The following LTK variants were observed in gnomAD, a reference collection of about 807,000 sequenced individuals.
LTK encodes leukocyte receptor tyrosine kinase.
In LTK, 117 loss-of-function variants were observed where a neutral mutation model predicts 101.5. The observed-to-expected ratio is 1.15, with a 90% CI of 0.99 to 1.34. The LOEUF (loss-of-function observed/expected upper bound fraction) is 1.34, where lower values mean the gene tolerates loss of function less well. Among genes scored for constraint, LTK ranks in the 40% most tolerant of loss-of-function variants. The pLI is 0.00. For synonymous variants in LTK, 563 were observed against 494.2 expected (o/e 1.14, Z -1.85); for missense variants, 1,252 against 1,164.7 (o/e 1.07, Z -1.09).
intron 8 of LTK, 108 bp downstream of exon 8, chr15:41,508,923 T>C (rs576768706): frequency 1.4e-5 from 10 of 706,962 alleles, no homozygotes; most frequent in East Asian, 1.0e-4. Flanking sequence ...TCCTGTGCTA[T>C]GCAAGGTTAT....
In LTK at chr15:41,504,507, C is replaced by G; in HGVS notation, c.2254G>C (p.Val752Leu). The G allele has an allele frequency of 6.2e-7, 1 of 1,613,138 alleles. No individual in the cohort carries two copies. Among genetic ancestry groups the G allele is most frequent in the Non-Finnish European group, 8.5e-7 (1 of 1,179,468 alleles). Reference protein sequence around the residue: ...MDPPRGCPGPVYRIMTQCWQH... With the variant: ...MDPPRGCPGPLYRIMTQCWQH... ...CTTCCCGGGCAGCACTCAACTCACA[C>G]AGGCCCTGGGCAGCCCCTAGGAGGG... Residue 752 changes from valine to leucine, a missense_variant and splice_region_variant, in exon 18 of 20, where the codon GTG becomes CTG. Val to Leu is a conservative substitution (Grantham distance 32). Transcript: ENST00000263800.
chr15:41,513,780 A>AGGG lies in LTK; in HGVS notation c.-72_-71insCCC. ...ACACCCCTGTCAACCTAAAGTTGACAGCTCATTTTGCCACGGCAGCCCTGG... is the reference window on the plus strand; with the variant it reads ...ACACCCCTGTCAACCTAAAGTTGACAGGGGCTCATTTTGCCACGGCAGCCCTGG... On this transcript the variant is annotated 5_prime_UTR_variant, in exon 1 of 20. Transcript: ENST00000263800. 1.4e-6 allele frequency: 2 copies of AGGG among 1,400,918 alleles called. No individual in the cohort carries two copies. The highest frequency in any genetic ancestry group is 2.0e-6 in the Non-Finnish European group (2 of 986,502). 86.8% of individuals were successfully genotyped at this position (1,400,918 alleles called of 1,614,324 possible).
Position 41,504,972 on chromosome 15 carries a change from C to T in LTK, c.2018G>A (p.Arg673Gln), listed in dbSNP as rs55876255. The T allele has an allele frequency of 2.4e-4, 382 of 1,609,300 alleles. No individual in the cohort carries two copies. The East Asian group carries it at 2.5e-3, about 11-fold the overall frequency. The change falls in exon 16 of 20, where the codon CGG becomes CAG. Residue 673 changes from arginine (R) to glutamine (Q), a missense_variant and splice_region_variant. Transcript: ENST00000263800. ...GDFGMARDIY[R>Q]ASYYRRGDRA... ...CCTTCCCACCTCCCAAGTCCCGCAC[C>T]GGTAGATATCTCGTGCCATCCCAAA...
At position 41,511,578 on chromosome 15, in the gene LTK, C is replaced by A. The variant is rs764245105; in HGVS notation, c.658G>T (p.Val220Leu). ...AACGGTTCCAGCTCGCCAGCGCGCA[C>A]CTGTGGGGCCAGCGGCGTGTTCCAG... ...GGGGATYVFR[V>L]RAGELEPLLV... The change falls in exon 6 of 20, where the codon GTG (valine) becomes TTG (leucine). Residue 220 changes from valine to leucine, a missense_variant and splice_region_variant. Physicochemically the swap from Val to Leu is conservative, Grantham distance 32. Transcript: ENST00000263800. The surrounding 1 kb of genome is among the most constrained non-coding windows in gnomAD (Gnocchi z 5.9). 1 of 1,441,326 alleles carries A rather than the reference C, an allele frequency of 6.9e-7. No homozygotes were observed. Among genetic ancestry groups the A allele is most frequent in the East Asian group, 2.8e-5 (1 of 36,190 alleles). 89.3% of individuals were successfully genotyped at this position (1,441,326 alleles called of 1,614,324 possible). A position where few individuals can be genotyped will look rare whatever the true frequency, so the allele number is the denominator to read the frequency against.
intron 13 of LTK, 46 bp downstream of exon 13, chr15:41,505,667 G>T: frequency 1.2e-6 from 2 of 1,610,202 alleles, no homozygotes; most frequent in South Asian, 2.2e-5. Flanking sequence ...CTGTTCCCGG[G>T]CATTCCCCTC....
intron 1 of LTK, 113 bp downstream of exon 1, chr15:41,513,554 A>G (rs1273076292): frequency 1.0e-6 from 1 of 972,062 alleles, no homozygotes; most frequent in Non-Finnish European, 1.7e-6. Flanking sequence ...TTTGGCTGTG[A>G]GAGTTCGAGG....
At chr15:41,512,350 G>C (rs923224154) in intron 3 of LTK, 85 bp from the exon 4 acceptor site, 14 of 1,210,924 alleles carry the variant, frequency 1.2e-5, no homozygotes, top group Admixed American at 2.7e-5. Context: ...GGAGGCTCCA[G>C]AATTATTTTT....
chr15:41,511,234 C>T lies in LTK; in HGVS notation c.927G>A (p.Trp309Ter). The stretch of plus-strand genomic sequence containing the variant: ...CGCCCCCGAAGCCGCCGGCCGCGGC[C>T]CAGCCAAGGGTCGCCCAAGCCTCGG... The part of the protein sequence containing the change: ...GCSEAWATLG[W>*]AAAGGFGGGG... The change falls in exon 7 of 20, where the codon TGG becomes TGA. Residue 309 changes from tryptophan to a stop codon, truncating the protein, a stop_gained. Coordinates refer to ENST00000263800, the MANE Select transcript of LTK (RefSeq NM_002344.6). LOFTEE classifies it high-confidence loss of function. The surrounding 1 kb of genome is among the most constrained non-coding windows in gnomAD (Gnocchi z 5.9). 7.1e-7 allele frequency: 1 copy of T among 1,409,600 alleles called. No homozygotes were observed. The highest frequency in any genetic ancestry group is 1.5e-5 in the African/African-American group (1 of 66,168). The allele number at this position is 1,409,600 out of a possible 1,614,324, so 87.3% of individuals were successfully genotyped here.
At position 41,505,994 on chromosome 15, in the gene LTK, T is replaced by A. The variant is rs762844291; in HGVS notation, c.1553A>T (p.His518Leu). 5.0e-6 allele frequency: 8 copies of A among 1,613,628 alleles called. No individual in the cohort carries two copies. Among genetic ancestry groups the A allele is most frequent in the Non-Finnish European group, 6.8e-6 (8 of 1,179,636 alleles). ...ANVTLLRALGHGAFGEVYEGL... is the reference protein window; with the variant it reads ...ANVTLLRALGLGAFGEVYEGL... ...CTCATACACCTCCCCAAAGGCACCATGGCCCAGGGCTCTGCAGGAAGACAC... is the reference window on the plus strand; with the variant it reads ...CTCATACACCTCCCCAAAGGCACCAAGGCCCAGGGCTCTGCAGGAAGACAC... Residue 518 changes from histidine (H) to leucine (L), a missense_variant, in exon 12 of 20, where the codon CAT becomes CTT. His to Leu is a moderately conservative substitution (Grantham distance 99). Transcript: ENST00000263800.
chr15:41,509,314 G>A (rs2289739), intron 7 of LTK, among the ~76,000 whole-genome samples, 185 bp from the exon 8 acceptor site: 1 of 151,942 alleles, frequency 6.6e-6, no homozygotes, highest in Admixed American at 6.6e-5. Flanking sequence ...TGAAGGCCTC[G>A]CTGAGGCTGG....
At position 41,513,031 on chromosome 15, in the gene LTK, T is replaced by G; in HGVS notation, c.133A>C (p.Lys45Gln). The change falls in exon 2 of 20, where the codon AAA becomes CAA. Residue 45 changes from lysine (K) to glutamine (Q), a missense_variant. Physicochemically the swap from Lys to Gln is moderately conservative, Grantham distance 53. Transcript: ENST00000263800. ...AAGATACTAGGCGGGGCGCTGACTT[T>G]CGGGTCCCGGGGGCTGGGACTTGCC... The part of the protein sequence containing the change: ...PLASPSPRDP[K>Q]VSAPPSILEP... The G allele has an allele frequency of 6.2e-7, 1 of 1,612,494 alleles. No individual in the cohort carries two copies. Among genetic ancestry groups the G allele is most frequent in the Non-Finnish European group, 8.5e-7 (1 of 1,179,664 alleles).
At position 41,513,100 on chromosome 15, in the gene LTK, G is replaced by A. The variant is rs1467037387; in HGVS notation, c.64C>T (p.Pro22Ser). ...CGCAGAAAAGTCTCCTGGGACCCCGGGCTAGAGCAGAGAATGGCGCCTGAA... is the reference window on the plus strand; with the variant it reads ...CGCAGAAAAGTCTCCTGGGACCCCGAGCTAGAGCAGAGAATGGCGCCTGAA... ...GAAGAILCSS[P>S]GSQETFLRSS... is the part of the protein sequence containing the mutation. Residue 22 changes from proline to serine, a missense_variant, in exon 2 of 20, where the codon CCG becomes TCG. By Grantham distance (74) the Pro-to-Ser change is moderately conservative. Transcript: ENST00000263800. 6.2e-7 allele frequency: 1 copy of A among 1,606,480 alleles called. No homozygotes were observed. Among genetic ancestry groups the A allele is most frequent in the South Asian group, 1.1e-5 (1 of 90,384 alleles).
intron 2 of LTK, 48 bp downstream of exon 2, chr15:41,512,929 G>A (rs1220030868): frequency 1.9e-6 from 3 of 1,610,716 alleles, no homozygotes; most frequent in South Asian, 1.1e-5. Context: ...CTGGGCCAGA[G>A]GGGTCTGGTA....
rs896792316 is a variant in LTK, at chr15:41,505,952, A to G, written c.1595T>C (p.Leu532Pro). The G allele has an allele frequency of 6.2e-6, 10 of 1,613,936 alleles. No homozygotes were observed. Among genetic ancestry groups the G allele is most frequent in the African/African-American group, 1.3e-5 (1 of 74,916 alleles). ...CTGCAGGGGACTGGAGTCCCCAGGA[A>G]GGCCAATTACCAGTCCCTCATACAC... ...GEVYEGLVIG[L>P]PGDSSPLQVA... is the part of the protein sequence containing the mutation. The change falls in exon 12 of 20, where the codon CTT becomes CCT. Residue 532 changes from leucine to proline, a missense_variant. Physicochemically the swap from Leu to Pro is moderately conservative, Grantham distance 98. Transcript: ENST00000263800.
In LTK at chr15:41,504,248, T is replaced by C; in HGVS notation, c.2347-4A>G. On this transcript the variant is annotated splice_polypyrimidine_tract_variant and splice_region_variant and intron_variant, in intron 19 of 19. Coordinates refer to ENST00000263800, the MANE Select transcript of LTK (RefSeq NM_002344.6). ...GTGAATTCAGCACATCCGGGTCCTG[T>C]AATGGAAGAGTCAGGGAGCAGGGGG... 1 of 1,606,838 alleles carries C rather than the reference T, an allele frequency of 6.2e-7. No homozygotes were observed. Among genetic ancestry groups the C allele is most frequent in the East Asian group, 2.2e-5 (1 of 44,722 alleles).
Position 41,509,085 on chromosome 15 carries a change from C to T in LTK, c.1042G>A (p.Asp348Asn). 2 of 1,613,996 alleles carry T rather than the reference C, an allele frequency of 1.2e-6. No homozygotes were observed. Among genetic ancestry groups the T allele is most frequent in the Non-Finnish European group, 1.7e-6 (2 of 1,179,956 alleles). The change falls in exon 8 of 20, where the codon GAT (aspartate) becomes AAT (asparagine). Residue 348 changes from aspartate (D) to asparagine (N), a missense_variant. Coordinates refer to ENST00000263800, the MANE Select transcript of LTK (RefSeq NM_002344.6). ...ETDNLWADGEDGVSFIHPSSE... is the reference protein window; with the variant it reads ...ETDNLWADGENGVSFIHPSSE... ...CTGGGGTGTATGAAGGATACTCCAT[C>T]TTCCCCATCAGCCCAGAGGTTGTCA...
chr15:41,508,823 T>C (rs2140717184), intron 8 of LTK, among the ~76,000 whole-genome samples: 1 of 152,330 alleles, frequency 6.6e-6, no homozygotes, highest in Middle Eastern at 3.4e-3. Flanking sequence ...TTCCTTTTTT[T>C]TAAGACAGAG....
intron 10 of LTK, 57 bp from the exon 11 acceptor site, chr15:41,507,347 C>A: frequency 6.6e-7 from 1 of 1,508,212 alleles, no homozygotes; most frequent in East Asian, 2.3e-5. Flanking sequence ...TCTCCCTCCC[C>A]CACCTGCCCA....
intron 12 of LTK, 68 bp from the exon 13 acceptor site, chr15:41,505,845 T>C: frequency 6.2e-7 from 1 of 1,601,496 alleles, no homozygotes; most frequent in South Asian, 1.1e-5. Context: ...TAACCCTAGC[T>C]CTAGTCATTG....
Sources: allele counts gnomAD v4.1 joint callset (sites outside exome capture counted in the v4.1 genomes callset), GRCh38; gene constraint gnomAD v4.1.1; non-coding constraint Gnocchi (gnomAD v3.1); transcripts MANE v1.5; gene names NCBI Gene and HGNC (gene_info 2026-07-23, HGNC 2026-07-21).